GSG1L: variants seen among roughly 807,000 people sequenced by gnomAD.
GSG1L encodes the protein GSG1 like.
Under a neutral mutation model 42.1 loss-of-function variants are expected in GSG1L, and 24 were observed. That is an observed-to-expected ratio of 0.57 (90% confidence interval 0.41 to 0.80). The LOEUF is 0.80. Among genes scored for constraint, GSG1L ranks in the 30% least tolerant of loss-of-function variants. The pLI, the probability that GSG1L is intolerant of heterozygous loss-of-function variation, is 0.00. For synonymous variants in GSG1L, 215 were observed against 203.5 expected, an observed-to-expected ratio of 1.06 and a Z score of -0.48; for missense variants, 445 against 472.2, an observed-to-expected ratio of 0.94 and a Z score of 0.53.
chr16:27,856,618 G>A (rs747681073), intron 3 of GSG1L, among the ~76,000 whole-genome samples: 1 of 152,176 alleles, frequency 6.6e-6, no homozygotes, highest in Non-Finnish European at 1.5e-5. Context: ...GGCTCCTCAC[G>A]AACATTTTTA....
chr16:27,807,996 T>C (rs1043554417), intron 5 of GSG1L, among the ~76,000 whole-genome samples: 31 of 152,210 alleles, frequency 2.0e-4, no homozygotes, highest in Admixed American at 7.2e-4. Flanking sequence ...ACATAATGAA[T>C]ATAGGGAATT....
At chr16:28,062,507 T>G (rs2086353468) in intron 1 of GSG1L, among the ~76,000 whole-genome samples, 1 of 152,122 alleles carries the variant, frequency 6.6e-6, no homozygotes, top group Non-Finnish European at 1.5e-5. Flanking sequence ...CGGGTGCGGC[T>G]TTCCGGGAGC....
intron 1 of GSG1L, among the ~76,000 whole-genome samples, chr16:27,984,712 CTGTTTGG>C (rs2085361420): frequency 6.6e-6 from 1 of 151,860 alleles, no homozygotes; most frequent in Non-Finnish European, 1.5e-5. Flanking sequence ...TTTGATCCCT[CTGTTTGG>C]TGTCTTTTCT....
At chr16:27,895,342 C>T (rs531462489) in intron 2 of GSG1L, among the ~76,000 whole-genome samples, 9 of 152,242 alleles carry the variant, frequency 5.9e-5, no homozygotes, top group African/African-American at 2.2e-4. Flanking sequence ...GGATCCCACC[C>T]GGTGCCCCTC....
chr16:27,800,429 CA>C (rs2082868332), intron 6 of GSG1L, among the ~76,000 whole-genome samples: 1 of 152,168 alleles, frequency 6.6e-6, no homozygotes, highest in Non-Finnish European at 1.5e-5. Flanking sequence ...CTGGCAAAAT[CA>C]AAACCTTGTC....
intron 1 of GSG1L, among the ~76,000 whole-genome samples, chr16:27,977,707 C>A (rs2085267205): frequency 6.6e-6 from 1 of 150,758 alleles, no homozygotes; most frequent in Admixed American, 6.6e-5. Context: ...GAGACTAGTA[C>A]AAAAAGCCCC....
chr16:27,807,849 A>C (rs2082985033), intron 5 of GSG1L, among the ~76,000 whole-genome samples: 1 of 152,228 alleles, frequency 6.6e-6, no homozygotes, highest in African/African-American at 2.4e-5. Flanking sequence ...TCTGTCAAAA[A>C]GAGGAAAATA....
chr16:27,933,668 A>AT (rs2084681033), intron 2 of GSG1L, among the ~76,000 whole-genome samples: 1 of 151,186 alleles, frequency 6.6e-6, no homozygotes, highest in African/African-American at 2.4e-5. Context: ...AAAAAAAAAA[A>AT]AGTGTGTTGA....
intron 1 of GSG1L, among the ~76,000 whole-genome samples, chr16:28,016,949 A>C (rs1464043447): frequency 6.6e-6 from 1 of 152,224 alleles, no homozygotes; most frequent in African/African-American, 2.4e-5. Context: ...TGAGAATCCT[A>C]GATCTTGCCT....
intron 3 of GSG1L, among the ~76,000 whole-genome samples, chr16:27,860,895 G>A (rs2083640812): frequency 6.6e-6 from 1 of 152,222 alleles, no homozygotes; most frequent in African/African-American, 2.4e-5. Flanking sequence ...GAAGGAATGA[G>A]TGTTACAGAA....
chr16:27,932,642 C>G (rs1010622419), intron 2 of GSG1L, among the ~76,000 whole-genome samples: 2 of 152,130 alleles, frequency 1.3e-5, no homozygotes, highest in Non-Finnish European at 2.9e-5. Flanking sequence ...GCAGGCCCCA[C>G]CTTCAGCATT....
At chr16:27,928,192 A>G (rs1423762284) in intron 2 of GSG1L, among the ~76,000 whole-genome samples, 6 of 152,178 alleles carry the variant, frequency 3.9e-5, no homozygotes, top group Non-Finnish European at 7.3e-5. Context: ...TTCTCACAAA[A>G]ACCCTATCAG....
At chr16:28,026,876 G>A (rs2085906451) in intron 1 of GSG1L, among the ~76,000 whole-genome samples, 1 of 152,192 alleles carries the variant, frequency 6.6e-6, no homozygotes, top group South Asian at 2.1e-4. Context: ...GAGGCCAGGA[G>A]TTCGAGACCA....
intron 1 of GSG1L, among the ~76,000 whole-genome samples, chr16:28,001,381 G>A (rs74015195): frequency 0.23 from 35,110 of 152,180 alleles, 4,448 homozygotes; most frequent in South Asian, 0.36. Flanking sequence ...GGAAGTGTAT[G>A]CGTGAGTATG....
At chr16:28,036,445 G>C (rs2086037888) in intron 1 of GSG1L, among the ~76,000 whole-genome samples, 1 of 152,140 alleles carries the variant, frequency 6.6e-6, no homozygotes. Context: ...GGAGTTAGTG[G>C]AGAAAGACTC....
chr16:27,906,319 C>A (rs1054502476), intron 2 of GSG1L, among the ~76,000 whole-genome samples: 8 of 152,090 alleles, frequency 5.3e-5, no homozygotes, highest in African/African-American at 1.9e-4. Flanking sequence ...TAGAAGATAG[C>A]GACGGGAGGG....
intron 5 of GSG1L, among the ~76,000 whole-genome samples, chr16:27,826,290 G>A (rs922026971): frequency 1.3e-5 from 2 of 152,110 alleles, no homozygotes; most frequent in African/African-American, 4.8e-5. Flanking sequence ...CTCACCCCAT[G>A]CGCTGCCATG....
At chr16:27,835,408 T>C (rs2083312414) in intron 4 of GSG1L, among the ~76,000 whole-genome samples, 1 of 152,196 alleles carries the variant, frequency 6.6e-6, no homozygotes, top group Non-Finnish European at 1.5e-5. Flanking sequence ...AGTGAGTTTC[T>C]TGTAGACAGC....
intron 1 of GSG1L, among the ~76,000 whole-genome samples, chr16:28,014,308 G>A (rs778591884): frequency 3.3e-5 from 5 of 151,892 alleles, no homozygotes; most frequent in Non-Finnish European, 7.4e-5. Flanking sequence ...TGAAGAGCAC[G>A]AGGCAGATCC....
Sources: gnomAD v4.1 joint callset for allele counts (sites outside exome capture counted in the v4.1 genomes callset) on GRCh38, gnomAD v4.1.1 for gene constraint, MANE v1.5 for transcripts, NCBI Gene and HGNC (gene_info 2026-07-23, HGNC 2026-07-21) for gene names.